The following CEP20 variants were observed in gnomAD, a reference collection of about 807,000 sequenced individuals.
CEP20 encodes centrosomal protein 20, also known as FGFR1OP N-terminal like.
CEP20 carries 18 observed loss-of-function variants against 20.0 expected under a neutral mutation model. The ratio of observed to expected loss-of-function variants is 0.90; its 90% CI spans 0.62 to 1.34. The LOEUF (loss-of-function observed/expected upper bound fraction) is 1.34, where lower values mean the gene tolerates loss of function less well. Among genes scored for constraint, CEP20 ranks in the 40% most tolerant of loss-of-function variants. CEP20 has a pLI of 0.00. For missense variants in CEP20, 215 were observed against 201.6 expected, an observed-to-expected ratio of 1.07 and a Z score of -0.40; for synonymous variants, 77 against 73.7, an observed-to-expected ratio of 1.04 and a Z score of -0.23.
chr16:15,884,227 G>T lies in CEP20; in HGVS notation c.29-22C>A. On this transcript the variant is annotated intron_variant, in intron 1 of 4. Transcript: ENST00000255759. ...AAAACTGTTCGATATAAAATATTAA[G>T]GCTTCAGTTACAGAGTAAATTTGTC... 5 of 1,577,314 alleles carry T rather than the reference G, an allele frequency of 3.2e-6. No individual in the cohort carries two copies. The South Asian group carries it at 4.6e-5, about 15-fold the overall frequency.
intron 3 of CEP20, among the ~76,000 whole-genome samples, chr16:15,876,235 T>C (rs2044944332): frequency 6.6e-6 from 1 of 151,260 alleles, no homozygotes; most frequent in Admixed American, 6.6e-5. Context: ...CCTAGCACTT[T>C]GGGAGGCCGA....
chr16:15,876,169 C>CT lies in CEP20; in HGVS notation c.312-2543dup, dbSNP rs58260368. Among the ~76,000 whole-genome samples the CT allele has an allele frequency of 1.4e-3, 195 of 141,390 alleles. 2 individuals carry two copies. The highest frequency in any genetic ancestry group is 3.8e-3 in the Middle Eastern group (1 of 262). 92.8% of individuals were successfully genotyped at this position (141,390 alleles called of 152,430 possible). ...AGTATTTGGTAGATGTACCATATTA[C>CT]TTTTTTTTTTTTTTTAAAGAATTGA... On this transcript the variant is annotated intron_variant, in intron 3 of 4. Coordinates refer to ENST00000255759, the MANE Select transcript of CEP20 (RefSeq NM_144600.4).
At chr16:15,869,008 CAG>C (rs889833178) in intron 4 of CEP20, among the ~76,000 whole-genome samples, 105 of 150,538 alleles carry the variant, frequency 7.0e-4, no homozygotes, top group African/African-American at 2.4e-3. Flanking sequence ...GTCAAGGCTG[CAG>C]AGAGCCATGA....
chr16:15,876,614 T>C (rs779878428), intron 3 of CEP20, among the ~76,000 whole-genome samples: 7 of 152,104 alleles, frequency 4.6e-5, no homozygotes, highest in African/African-American at 1.2e-4. Context: ...TACAGGCATG[T>C]CATTTTAAAA....
intron 1 of CEP20, chr16:15,885,145 A>G (rs2045209746): frequency 6.6e-6 from 1 of 151,526 alleles, no homozygotes; most frequent in Admixed American, 6.6e-5. Context: ...TCTCTACTAA[A>G]AAAATACAAA....
At chr16:15,883,286 C>T (rs2045155114) in intron 2 of CEP20, among the ~76,000 whole-genome samples, 1 of 152,112 alleles carries the variant, frequency 6.6e-6, no homozygotes, top group East Asian at 1.9e-4. Flanking sequence ...CTGCTTGAGC[C>T]CAGGAGGTGA....
chr16:15,869,075 C>G (rs1373331113), intron 4 of CEP20, among the ~76,000 whole-genome samples: 1 of 133,994 alleles, frequency 7.5e-6, no homozygotes, highest in African/African-American at 2.9e-5. Flanking sequence ...CTCTTAAAAA[C>G]AAAAAAAAAA....
rs560415453 is a variant in CEP20 at position 15,867,372 on chromosome 16, T to C, written c.*68A>G. On this transcript the variant is annotated 3_prime_UTR_variant, in exon 5 of 5. Coordinates refer to ENST00000255759, the MANE Select transcript of CEP20 (RefSeq NM_144600.4). ...ACATTAGTGGTGCATTTTGGTAACATTGGGACAATAAATAAGTTATTTAAT... is the reference window on the plus strand; with the variant it reads ...ACATTAGTGGTGCATTTTGGTAACACTGGGACAATAAATAAGTTATTTAAT... 1,684 of 1,252,126 alleles carry C rather than the reference T, an allele frequency of 1.3e-3. 2 individuals carry two copies. The highest frequency in any genetic ancestry group is 1.7e-3 in the Non-Finnish European group (1,527 of 914,536). 77.6% of individuals were successfully genotyped at this position (1,252,126 alleles called of 1,614,324 possible).
Position 15,885,454 on chromosome 16 carries a change from C to T in CEP20, c.29-1249G>A, listed in dbSNP as rs536643541. Among the ~76,000 whole-genome samples, 7 of 152,214 alleles carry T rather than the reference C, an allele frequency of 4.6e-5. No individual in the cohort carries two copies. The South Asian group carries it at 6.2e-4, about 14-fold the overall frequency. On this transcript the variant is annotated intron_variant, in intron 1 of 4. Transcript: ENST00000255759. ...GTCGCCAGGTTGGAGTGCAGTGGCACGATCTCGGCTCACTGCAATCTCCAG... is the reference window on the plus strand; with the variant it reads ...GTCGCCAGGTTGGAGTGCAGTGGCATGATCTCGGCTCACTGCAATCTCCAG...
At chr16:15,875,280 C>T (rs763431810) in intron 3 of CEP20, among the ~76,000 whole-genome samples, 40 of 152,190 alleles carry the variant, frequency 2.6e-4, no homozygotes, top group Non-Finnish European at 5.7e-4. Context: ...TTAATCTTCC[C>T]CAAAGTGTTA....
chr16:15,876,169 CT>C (rs58260368), intron 3 of CEP20, among the ~76,000 whole-genome samples: 11,316 of 141,168 alleles, frequency 0.08, 571 homozygotes, highest in East Asian at 0.25. Flanking sequence ...TACCATATTA[CT>C]TTTTTTTTTT....
chr16:15,869,564 G>A (rs1045290645), intron 4 of CEP20, among the ~76,000 whole-genome samples: 3 of 152,106 alleles, frequency 2.0e-5, no homozygotes, highest in African/African-American at 4.8e-5. Context: ...GCCCACCTAG[G>A]CCTCCCAAGG....
intron 2 of CEP20, among the ~76,000 whole-genome samples, chr16:15,881,738 A>G (rs1259754532): frequency 6.6e-6 from 1 of 152,094 alleles, no homozygotes; most frequent in African/African-American, 2.4e-5. Flanking sequence ...TTGAAAGAAG[A>G]CATTTAAAAG....
intron 2 of CEP20, among the ~76,000 whole-genome samples, chr16:15,880,259 T>A (rs182719928): frequency 3.2e-4 from 49 of 152,294 alleles, no homozygotes; most frequent in African/African-American, 1.1e-3. Context: ...TAACCTGAAG[T>A]GTGGGGCAGC....
intron 1 of CEP20, among the ~76,000 whole-genome samples, chr16:15,886,838 C>G (rs571776813): frequency 3.3e-5 from 5 of 152,270 alleles, no homozygotes; most frequent in African/African-American, 1.2e-4. Context: ...GCCATCAAAA[C>G]TTCTTCGGAA....
At chr16:15,871,503 A>G (rs1361735278) in intron 4 of CEP20, among the ~76,000 whole-genome samples, 1 of 152,162 alleles carries the variant, frequency 6.6e-6, no homozygotes, top group Non-Finnish European at 1.5e-5. Flanking sequence ...GTACTTGCCA[A>G]TTAGTAGGCA....
intron 2 of CEP20, among the ~76,000 whole-genome samples, chr16:15,880,729 G>A (rs919753141): frequency 1.3e-5 from 2 of 151,972 alleles, no homozygotes; most frequent in Non-Finnish European, 2.9e-5. Flanking sequence ...GCAAGTGAGG[G>A]AAGCTTGATC....
intron 2 of CEP20, among the ~76,000 whole-genome samples, chr16:15,881,807 A>T (rs1026690279): frequency 6.6e-6 from 1 of 152,278 alleles, no homozygotes; most frequent in Admixed American, 6.5e-5. Flanking sequence ...TTGAAGAGCA[A>T]ATTTATTTCT....
intron 1 of CEP20, 147 bp downstream of exon 1, chr16:15,888,411 C>A: frequency 8.2e-6 from 9 of 1,097,842 alleles, no homozygotes; most frequent in Non-Finnish European, 1.2e-5. Context: ...AAGACAGCAG[C>A]CAGACGCTCC....
Sources: allele counts gnomAD v4.1 joint callset (sites outside exome capture counted in the v4.1 genomes callset), GRCh38; gene constraint gnomAD v4.1.1; transcripts MANE v1.5; gene names NCBI Gene and HGNC (gene_info 2026-07-23, HGNC 2026-07-21).